Variants in MYRIP observed in about 807,000 individuals in gnomAD.
The protein encoded by MYRIP is rab effector MyRIP.
In MYRIP, 49 loss-of-function variants were observed where a neutral mutation model predicts 98.0. The ratio of observed to expected loss-of-function variants is 0.50; its 90% CI spans 0.40 to 0.63. The LOEUF is 0.63. Ranked by LOEUF, MYRIP falls within the 30% of genes least tolerant of loss-of-function variation. The probability of loss-of-function intolerance (pLI) is 0.00; values close to 1 mark genes in which losing one functional copy is unlikely to be tolerated. For synonymous variants in MYRIP, 404 were observed against 409.5 expected, an observed-to-expected ratio of 0.99 and a Z score of 0.16; for missense variants, 1,004 against 1,058.2, an observed-to-expected ratio of 0.95 and a Z score of 0.71.
intron 1 of MYRIP, among the ~76,000 whole-genome samples, chr3:39,840,140 T>C (rs1447378288): frequency 6.6e-6 from 1 of 152,220 alleles, no homozygotes; most frequent in African/African-American, 2.4e-5. Flanking sequence ...AGTTGCTTTA[T>C]GAATCTGGGT....
At chr3:39,953,543 T>G (rs190229133) in intron 2 of MYRIP, among the ~76,000 whole-genome samples, 4 of 152,190 alleles carry the variant, frequency 2.6e-5, no homozygotes, top group Admixed American at 1.3e-4. Context: ...TTAAGAAAAT[T>G]TACTGCATCT....
chr3:40,048,935 T>G (rs1947728767), intron 3 of MYRIP, among the ~76,000 whole-genome samples: 1 of 152,160 alleles, frequency 6.6e-6, no homozygotes. Flanking sequence ...TTTATCTTCT[T>G]GACAATTTAT....
chr3:39,926,496 G>A (rs1443612960), intron 2 of MYRIP, among the ~76,000 whole-genome samples: 1 of 151,888 alleles, frequency 6.6e-6, no homozygotes, highest in East Asian at 1.9e-4. Flanking sequence ...AATCCATCTC[G>A]AGTTAATTTT....
chr3:40,144,461 A>G (rs1026066476), intron 3 of MYRIP, among the ~76,000 whole-genome samples: 20 of 152,174 alleles, frequency 1.3e-4, no homozygotes, highest in African/African-American at 4.8e-4. Flanking sequence ...AGGAAAAGAA[A>G]TGTCCCTTTT....
At chr3:40,197,727 T>C (rs779659250) in intron 10 of MYRIP, among the ~76,000 whole-genome samples, 6 of 152,236 alleles carry the variant, frequency 3.9e-5, no homozygotes, top group Non-Finnish European at 7.3e-5. Context: ...GCAAAACTGC[T>C]ATCAGACACT....
rs572068194 is a variant in MYRIP at position 40,205,647 on chromosome 3, C to T, written c.1666-4207C>T. Among the ~76,000 whole-genome samples, 37 of 152,258 alleles carry T rather than the reference C, an allele frequency of 2.4e-4. No homozygotes were observed. In the South Asian group the frequency reaches 7.1e-3, roughly 29 times the overall value. ...AAGGAATTTCATTCTTTCCCACCGC[C>T]TCCCACCCTCCCTGCAAAAGCTCCT... On this transcript the variant is annotated intron_variant, in intron 10 of 16. Coordinates refer to ENST00000302541, the MANE Select transcript of MYRIP (RefSeq NM_015460.4).
chr3:39,971,565 C>A (rs1474641746), intron 2 of MYRIP, among the ~76,000 whole-genome samples: 3 of 151,988 alleles, frequency 2.0e-5, no homozygotes, highest in African/African-American at 7.2e-5. Flanking sequence ...TATCTGTTGT[C>A]CTTGCACAAA....
chr3:39,958,253 G>A (rs1945220551), intron 2 of MYRIP, among the ~76,000 whole-genome samples: 1 of 152,144 alleles, frequency 6.6e-6, no homozygotes, highest in Admixed American at 6.5e-5. Flanking sequence ...AAAGCTGGAG[G>A]CATCACGCTA....
intron 1 of MYRIP, among the ~76,000 whole-genome samples, chr3:39,868,953 T>A (rs1408418466): frequency 6.6e-6 from 1 of 152,194 alleles, no homozygotes; most frequent in African/African-American, 2.4e-5. Flanking sequence ...ATGTGTTACT[T>A]TTTTTCTTCT....
chr3:39,992,874 A>G (rs1291004190), intron 2 of MYRIP, among the ~76,000 whole-genome samples: 1 of 152,008 alleles, frequency 6.6e-6, no homozygotes, highest in Non-Finnish European at 1.5e-5. Context: ...CATTCCAATA[A>G]TCCTTCATCC....
chr3:39,876,722 G>A (rs896422654), intron 1 of MYRIP, among the ~76,000 whole-genome samples: 1 of 152,134 alleles, frequency 6.6e-6, no homozygotes, highest in African/African-American at 2.4e-5. Flanking sequence ...CTGTTAGTCT[G>A]ATGGGTTTCC....
chr3:39,986,149 A>G (rs1946026034), intron 2 of MYRIP, among the ~76,000 whole-genome samples: 2 of 152,132 alleles, frequency 1.3e-5, no homozygotes, highest in Admixed American at 6.5e-5. Flanking sequence ...TGATATTACT[A>G]TTACTTGCTA....
intron 2 of MYRIP, among the ~76,000 whole-genome samples, chr3:39,998,443 A>T (rs1422173276): frequency 6.6e-6 from 1 of 152,228 alleles, no homozygotes; most frequent in Non-Finnish European, 1.5e-5. Flanking sequence ...TTCAAAGACA[A>T]TAAAATACCT....
In MYRIP at chr3:39,897,060, A is replaced by C. The variant is rs1363826125; in HGVS notation, c.-30-3727A>C. ...TTGCTTCTTATGATAATTAAATTTGAAAAATAGCTAAATCAATTCAGTAAT... is the reference window on the plus strand; with the variant it reads ...TTGCTTCTTATGATAATTAAATTTGCAAAATAGCTAAATCAATTCAGTAAT... On this transcript the variant is annotated intron_variant, in intron 1 of 16. Transcript: ENST00000302541. 3.9e-5 allele frequency among the ~76,000 whole-genome samples: 6 copies of C among 152,236 alleles called. No homozygotes were observed. The East Asian group carries it at 1.2e-3, about 29-fold the overall frequency.
chr3:40,227,437 T>C (rs1952521199), intron 11 of MYRIP, among the ~76,000 whole-genome samples: 1 of 151,986 alleles, frequency 6.6e-6, no homozygotes. Context: ...CCAGTGTAGG[T>C]TGCTTACTCT....
intron 1 of MYRIP, among the ~76,000 whole-genome samples, chr3:39,885,003 C>G (rs1467777935): frequency 2.8e-5 from 4 of 142,206 alleles, no homozygotes; most frequent in Admixed American, 7.7e-5. Context: ...AATTTACATT[C>G]CTAATAGCAA....
At chr3:39,957,182 G>A (rs1322515169) in intron 2 of MYRIP, among the ~76,000 whole-genome samples, 3 of 151,712 alleles carry the variant, frequency 2.0e-5, no homozygotes, top group African/African-American at 7.3e-5. Flanking sequence ...CATTTTATGA[G>A]GCCAGCATCA....
intron 3 of MYRIP, among the ~76,000 whole-genome samples, chr3:40,123,531 C>T (rs760730263): frequency 1.8e-4 from 27 of 152,334 alleles, no homozygotes; most frequent in Non-Finnish European, 3.5e-4. Flanking sequence ...TCTTACACAG[C>T]AGCCCAGGCT....
intron 11 of MYRIP, among the ~76,000 whole-genome samples, chr3:40,224,808 T>G (rs2125689354): frequency 6.6e-6 from 1 of 152,374 alleles, no homozygotes; most frequent in South Asian, 2.1e-4. Flanking sequence ...AATGTTTCAG[T>G]GCATTACATA....
Sources: allele counts gnomAD v4.1 joint callset (sites outside exome capture counted in the v4.1 genomes callset), GRCh38; gene constraint gnomAD v4.1.1; transcripts MANE v1.5; gene names NCBI Gene and HGNC (gene_info 2026-07-23, HGNC 2026-07-21).